Variants in TRAM1 observed in about 807,000 individuals in gnomAD.
TRAM1 encodes translocating chain-associated membrane protein 1.
Under a neutral mutation model 48.7 loss-of-function variants are expected in TRAM1, and 17 were observed. The observed-to-expected ratio is 0.35, with a 90% CI of 0.24 to 0.52. The LOEUF (loss-of-function observed/expected upper bound fraction) is 0.52, where lower values mean the gene tolerates loss of function less well. Among genes scored for constraint, TRAM1 ranks in the 20% least tolerant of loss-of-function variants. TRAM1 has a pLI of 0.94. For synonymous variants in TRAM1, 182 were observed against 154.0 expected (o/e 1.18, Z -1.34); for missense variants, 351 against 441.5 (o/e 0.79, Z 1.84).
chr8:70,583,231 A>G lies in TRAM1; in HGVS notation c.984T>C (p.Ala328=). The change falls in exon 10 of 11, where the codon GCT becomes GCC. Residue 328 remains alanine (A), a synonymous_variant. Transcript: ENST00000262213. The stretch of plus-strand genomic sequence containing the variant: ...TCTTCTTCACAGCTGGTGCCTGAAA[A>G]GCAGAATGTTCCCTCCACCTTCGAA... ...FQLRRWREHS[A]FQAPAVKKKP... is the part of the protein sequence containing the mutation. The G allele has an allele frequency of 1.2e-6, 2 of 1,614,030 alleles. No homozygotes were observed. The highest frequency in any genetic ancestry group is 2.2e-5 in the South Asian group (2 of 91,076).
rs752851084 is a variant in TRAM1 at position 70,574,042 on chromosome 8, C to CA, written c.*889dup. The CA allele has an allele frequency of 5.1e-4, 104 of 205,898 alleles. No homozygotes were observed. The highest frequency in any genetic ancestry group is 9.0e-4 in the Non-Finnish European group (90 of 100,508). The allele number at this position is 205,898 out of a possible 1,614,324, so 12.8% of individuals were successfully genotyped here. A position where few individuals can be genotyped will look rare whatever the true frequency, so the allele number is the denominator to read the frequency against. On this transcript the variant is annotated 3_prime_UTR_variant, in exon 11 of 11. Coordinates refer to ENST00000262213, the MANE Select transcript of TRAM1 (RefSeq NM_014294.6). ...ATGTTTTCCAAATATAATTACCTGT[C>CA]AGTCTTTTTATAGATATAAATCAAG...
intron 1 of TRAM1, among the ~76,000 whole-genome samples, chr8:70,603,443 G>A (rs1817652813): frequency 6.6e-6 from 1 of 152,114 alleles, no homozygotes; most frequent in Non-Finnish European, 1.5e-5. Context: ...CAGGCCAGGT[G>A]TGATGGCTCA....
At chr8:70,581,255 A>G (rs1354006916) in intron 10 of TRAM1, among the ~76,000 whole-genome samples, 1 of 152,224 alleles carries the variant, frequency 6.6e-6, no homozygotes, top group African/African-American at 2.4e-5. Flanking sequence ...TAAGAAACCC[A>G]GAATAACCAA....
chr8:70,587,123 A>G lies in TRAM1; in HGVS notation c.624T>C (p.Ala208=). 1 of 1,614,040 alleles carries G rather than the reference A, an allele frequency of 6.2e-7. No homozygotes were observed. The highest frequency in any genetic ancestry group is 8.5e-7 in the Non-Finnish European group (1 of 1,179,938). The part of the protein sequence containing the change: ...VYIGLYLFHI[A]GAYLLNLNHL... The stretch of plus-strand genomic sequence containing the variant: ...CAACTCACTTCAAAAGGTAAGCTCC[A>G]GCAATGTGGAAGAGGTAAAGACCAA... Residue 208 remains alanine, a synonymous_variant, in exon 7 of 11, where the codon GCT becomes GCC. Coordinates refer to ENST00000262213, the MANE Select transcript of TRAM1 (RefSeq NM_014294.6).
At position 70,574,875 on chromosome 8, in the gene TRAM1, A is replaced by AAGAT. The variant is rs1166569812; in HGVS notation, c.*53_*56dup. On this transcript the variant is annotated 3_prime_UTR_variant, in exon 11 of 11. Coordinates refer to ENST00000262213, the MANE Select transcript of TRAM1 (RefSeq NM_014294.6). ...AGAACAGAAAAATCTCTAATGCTGAAAGATATAGTAGAAAGCAGATTTCTT... is the reference window on the plus strand; with the variant it reads ...AGAACAGAAAAATCTCTAATGCTGAAAGATAGATATAGTAGAAAGCAGATTTCTT... 5 of 1,187,608 alleles carry AAGAT rather than the reference A, an allele frequency of 4.2e-6. No homozygotes were observed. Among genetic ancestry groups the AAGAT allele is most frequent in the East Asian group, 2.4e-5 (1 of 41,824 alleles). 73.6% of individuals were successfully genotyped at this position (1,187,608 alleles called of 1,614,324 possible).
At chr8:70,592,579 A>G (rs1460471973) in intron 6 of TRAM1, among the ~76,000 whole-genome samples, 2 of 152,238 alleles carry the variant, frequency 1.3e-5, no homozygotes, top group Admixed American at 1.3e-4. Context: ...GCAGGAACTG[A>G]TAAGAAAAGA....
chr8:70,590,135 G>A (rs1229038716), intron 6 of TRAM1, among the ~76,000 whole-genome samples: 1 of 115,528 alleles, frequency 8.7e-6, no homozygotes, highest in African/African-American at 3.2e-5. Context: ...CTTGGGTAAG[G>A]CAATGTAAAA....
At chr8:70,596,080 T>C (rs1817480155) in intron 5 of TRAM1, among the ~76,000 whole-genome samples, 183 bp downstream of exon 5, 1 of 151,944 alleles carries the variant, frequency 6.6e-6, no homozygotes. Context: ...AAGATTAGAA[T>C]AGAAACATTA....
intron 1 of TRAM1, among the ~76,000 whole-genome samples, chr8:70,605,720 A>G (rs1817705565): frequency 6.6e-6 from 1 of 152,252 alleles, no homozygotes; most frequent in Non-Finnish European, 1.5e-5. Flanking sequence ...AAGAAAAAGG[A>G]AGAACTCGCA....
chr8:70,608,335 A>T lies in TRAM1; in HGVS notation c.-136T>A. ...GCCGCTCGCTGGGGCTTCACTTCCC[A>T]TCCCACAGCCAGTACGCAGCCGCCG... On this transcript the variant is annotated 5_prime_UTR_variant, in exon 1 of 11. It removes an upstream start codon present in the reference 5' UTR. Transcript: ENST00000262213. The T allele has an allele frequency of 8.5e-7, 1 of 1,175,906 alleles. No individual in the cohort carries two copies. The highest frequency in any genetic ancestry group is 1.1e-6 in the Non-Finnish European group (1 of 884,284). The allele number at this position is 1,175,906 out of a possible 1,614,324, so 72.8% of individuals were successfully genotyped here.
rs780367732 is a variant in TRAM1, at chr8:70,600,088, A to G, written c.124-6T>C. Reference sequence around the variant, plus strand: ...ATAGAAGCTTTTGCCGTTATCTACAAAGAAGGAAAAACAAAGATCAAGTCA... The same window carrying G: ...ATAGAAGCTTTTGCCGTTATCTACAGAGAAGGAAAAACAAAGATCAAGTCA... On this transcript the variant is annotated splice_polypyrimidine_tract_variant and splice_region_variant and intron_variant, in intron 1 of 10. Coordinates refer to ENST00000262213, the MANE Select transcript of TRAM1 (RefSeq NM_014294.6). 8 of 1,611,860 alleles carry G rather than the reference A, an allele frequency of 5.0e-6. No homozygotes were observed. The highest frequency in any genetic ancestry group is 6.8e-6 in the Non-Finnish European group (8 of 1,178,316).
At chr8:70,602,182 T>C (rs753293697) in intron 1 of TRAM1, among the ~76,000 whole-genome samples, 8 of 152,172 alleles carry the variant, frequency 5.3e-5, no homozygotes, top group Admixed American at 1.3e-4. Context: ...AAGAGAACGA[T>C]AGACTGGACA....
intron 1 of TRAM1, chr8:70,607,236 T>C (rs989191146): frequency 2.0e-6 from 2 of 985,094 alleles, no homozygotes; most frequent in Admixed American, 6.2e-5. Context: ...AAATAAGTCA[T>C]CAAAATACTA....
chr8:70,581,879 T>G (rs13276058), intron 10 of TRAM1, among the ~76,000 whole-genome samples: 17,959 of 152,192 alleles, frequency 0.12, 1,266 homozygotes, highest in African/African-American at 0.19. Context: ...TATCACATGG[T>G]TCTGTTTACA....
In TRAM1 at chr8:70,608,356, C is replaced by G; in HGVS notation, c.-157G>C. 2 of 812,680 alleles carry G rather than the reference C, an allele frequency of 2.5e-6. No homozygotes were observed. The highest frequency in any genetic ancestry group is 2.6e-5 in the South Asian group (1 of 38,120). The allele number at this position is 812,680 out of a possible 1,614,324, so 50.3% of individuals were successfully genotyped here. A position where few individuals can be genotyped will look rare whatever the true frequency, so the allele number is the denominator to read the frequency against. ...TCCCATCCCACAGCCAGTACGCAGCCGCCGGGCCGCCCGGGGGAAAAAAAA... is the reference window on the plus strand; with the variant it reads ...TCCCATCCCACAGCCAGTACGCAGCGGCCGGGCCGCCCGGGGGAAAAAAAA... On this transcript the variant is annotated 5_prime_UTR_variant, in exon 1 of 11. Transcript: ENST00000262213.
At chr8:70,607,945 G>A (rs1586770478) in intron 1 of TRAM1, 132 bp downstream of exon 1, 3 of 1,171,550 alleles carry the variant, frequency 2.6e-6, no homozygotes, top group Non-Finnish European at 3.4e-6. Context: ...TGCACCTCAG[G>A]GACTGGGGGT....
At chr8:70,583,844 TC>T in intron 8 of TRAM1, 51 bp from the exon 9 acceptor site, 1 of 1,514,384 alleles carries the variant, frequency 6.6e-7, no homozygotes, top group Non-Finnish European at 8.8e-7. Flanking sequence ...AAAACAAGAT[TC>T]TATTAGAAAT....
At chr8:70,604,287 T>C (rs2132048172) in intron 1 of TRAM1, among the ~76,000 whole-genome samples, 1 of 152,358 alleles carries the variant, frequency 6.6e-6, no homozygotes, top group African/African-American at 2.4e-5. Context: ...GTATCTTTCT[T>C]GTTATATAGA....
At chr8:70,587,834 G>C (rs568041846) in intron 6 of TRAM1, among the ~76,000 whole-genome samples, 5 of 152,070 alleles carry the variant, frequency 3.3e-5, no homozygotes, top group Non-Finnish European at 7.4e-5. Context: ...CAAGTACCTA[G>C]ATTTTATTTT....
Sources: allele counts gnomAD v4.1 joint callset (sites outside exome capture counted in the v4.1 genomes callset), GRCh38; gene constraint gnomAD v4.1.1; transcripts MANE v1.5; gene names NCBI Gene and HGNC (gene_info 2026-07-23, HGNC 2026-07-21).